WWOX: variants seen among roughly 807,000 people sequenced by gnomAD.
WWOX encodes WW domain-containing oxidoreductase.
Under a neutral mutation model 46.2 loss-of-function variants are expected in WWOX, and 69 were observed. The observed-to-expected ratio is 1.49, with a 90% CI of 1.23 to 1.82. The LOEUF is 1.82. WWOX is among the 40% of genes most tolerant of loss of function. The pLI, the probability that WWOX is intolerant of heterozygous loss-of-function variation, is 0.00. For synonymous variants in WWOX, 359 were observed against 202.6 expected (o/e 1.77, Z -6.56); for missense variants, 919 against 542.6 (o/e 1.69, Z -6.89).
chr16:78,411,012 G>A (rs1249880094), intron 6 of WWOX, among the ~76,000 whole-genome samples: 1 of 152,086 alleles, frequency 6.6e-6, no homozygotes, highest in Non-Finnish European at 1.5e-5. Flanking sequence ...TGATAACACA[G>A]CAGTTAGCTT....
chr16:78,241,150 C>A (rs1456803879), intron 5 of WWOX: 1 of 152,224 alleles, frequency 6.6e-6, no homozygotes, highest in Non-Finnish European at 1.5e-5. Flanking sequence ...AGTCTTGTGA[C>A]TGTCAACATT....
In WWOX at chr16:79,211,930, C is replaced by T. The variant is rs539177113; in HGVS notation, c.*134C>T. On this transcript the variant is annotated 3_prime_UTR_variant, in exon 9 of 9. Coordinates refer to ENST00000566780, the MANE Select transcript of WWOX (RefSeq NM_016373.4). ...GTAAAGGAAATAAGAGCAGTCACAA[C>T]AGAGTGAAAAATCTTAAGTACCAAT... The T allele has an allele frequency of 2.2e-4, 340 of 1,538,950 alleles. 2 individuals are homozygous for T. The African/African-American group carries it at 3.6e-3, about 16-fold the overall frequency.
chr16:78,447,151 C>A (rs925554377), intron 8 of WWOX, among the ~76,000 whole-genome samples: 3 of 152,206 alleles, frequency 2.0e-5, no homozygotes, highest in African/African-American at 7.2e-5. Flanking sequence ...TTTGATCTTA[C>A]AAAAATCTGG....
intron 8 of WWOX, among the ~76,000 whole-genome samples, chr16:79,189,006 G>A (rs769030007): frequency 6.6e-5 from 10 of 151,856 alleles, no homozygotes; most frequent in Non-Finnish European, 1.2e-4. Flanking sequence ...AAAGCTTTTG[G>A]ATTCTGTGTG....
intron 8 of WWOX, among the ~76,000 whole-genome samples, chr16:79,053,329 G>A (rs573849472): frequency 6.6e-6 from 1 of 152,250 alleles, no homozygotes; most frequent in South Asian, 2.1e-4. Context: ...CCGTTTTAAT[G>A]TGATTCCTGC....
At chr16:78,261,776 C>CTATATATATATA (rs1420854261) in intron 5 of WWOX, among the ~76,000 whole-genome samples, 6 of 38,368 alleles carry the variant, frequency 1.6e-4, no homozygotes, top group East Asian at 1.1e-3. Context: ...ATCTATGTAT[C>CTATATATATATA]TATCTATCTA....
intron 5 of WWOX, among the ~76,000 whole-genome samples, chr16:78,204,097 C>T (rs573268343): frequency 5.5e-4 from 84 of 152,252 alleles, no homozygotes; most frequent in South Asian, 1.7e-3. Context: ...TGCCCGGAGA[C>T]GGGACAGTTT....
At chr16:78,644,608 C>T (rs146329248) in intron 8 of WWOX, among the ~76,000 whole-genome samples, 5 of 152,198 alleles carry the variant, frequency 3.3e-5, no homozygotes, top group East Asian at 1.9e-4. Flanking sequence ...ATTACAGGAG[C>T]CTGCCACCAC....
chr16:78,323,531 A>C (rs1382730997), intron 5 of WWOX, among the ~76,000 whole-genome samples: 1 of 152,126 alleles, frequency 6.6e-6, no homozygotes, highest in Non-Finnish European at 1.5e-5. Flanking sequence ...TTAAACTAAT[A>C]GGTTACTGGG....
chr16:79,104,361 C>T (rs1032855256), intron 8 of WWOX, among the ~76,000 whole-genome samples: 1 of 152,118 alleles, frequency 6.6e-6, no homozygotes. Flanking sequence ...ACAATGAAAA[C>T]TCATAAGCAT....
rs2046870058 is a variant in WWOX, at chr16:78,990,685, CACAT to C, written c.1057-220921_1057-220918del. 2.6e-5 allele frequency among the ~76,000 whole-genome samples: 4 copies of C among 151,574 alleles called. No individual in the cohort carries two copies. In the South Asian group the frequency reaches 8.4e-4, roughly 32 times the overall value. On this transcript the variant is annotated intron_variant, in intron 8 of 8. Transcript: ENST00000566780. ...GGAAGGAAAAAGAGAGAGGGAGAAG[CACAT>C]AGAGGAAAGAAGGAAGAAGGAAGGA...
At chr16:78,529,469 G>A (rs773172120) in intron 8 of WWOX, among the ~76,000 whole-genome samples, 32 of 151,400 alleles carry the variant, frequency 2.1e-4, no homozygotes, top group Non-Finnish European at 3.7e-4. Flanking sequence ...AATGTTTTTC[G>A]TTTTTTTTAT....
At chr16:79,002,264 C>T (rs959799396) in intron 8 of WWOX, among the ~76,000 whole-genome samples, 1 of 129,344 alleles carries the variant, frequency 7.7e-6, no homozygotes, top group East Asian at 2.2e-4. Context: ...ACTCTTCTTG[C>T]CCAGGCTGGA....
rs376027078 is a variant in WWOX, at chr16:78,926,346, G to A, written c.1057-285262G>A. Among the ~76,000 whole-genome samples the A allele has an allele frequency of 3.0e-4, 44 of 148,312 alleles. No homozygotes were observed. In the South Asian group the frequency reaches 3.2e-3, roughly 11 times the overall value. ...CATGCTCGTGCCATTGCATTTCAGCGTGGGTGACAGTGAGACCCTATCTCA... is the reference window on the plus strand; with the variant it reads ...CATGCTCGTGCCATTGCATTTCAGCATGGGTGACAGTGAGACCCTATCTCA... On this transcript the variant is annotated intron_variant, in intron 8 of 8. Coordinates refer to ENST00000566780, the MANE Select transcript of WWOX (RefSeq NM_016373.4).
intron 5 of WWOX, among the ~76,000 whole-genome samples, chr16:78,254,502 G>GTTTTTTTTTTTTTTTTTTTT (rs59706959): frequency 6.5e-5 from 6 of 91,648 alleles, no homozygotes; most frequent in African/African-American, 2.1e-4. Flanking sequence ...TTTCTTTCTT[G>GTTTTTTTTTTTTTTTTTTTT]TTTTTTTTTT....
chr16:78,187,315 A>G (rs2035740962), intron 5 of WWOX, among the ~76,000 whole-genome samples: 1 of 152,172 alleles, frequency 6.6e-6, no homozygotes, highest in South Asian at 2.1e-4. Flanking sequence ...GCACTCAAGG[A>G]ACTTAGTCTT....
At chr16:78,474,011 C>T (rs767203138) in intron 8 of WWOX, among the ~76,000 whole-genome samples, 2 of 152,090 alleles carry the variant, frequency 1.3e-5, no homozygotes, top group Non-Finnish European at 2.9e-5. Flanking sequence ...CCTATCAGGA[C>T]CACTTTTACA....
chr16:78,296,026 A>G (rs1195953546), intron 5 of WWOX, among the ~76,000 whole-genome samples: 2 of 152,124 alleles, frequency 1.3e-5, no homozygotes, highest in African/African-American at 2.4e-5. Context: ...GTAGAATCTT[A>G]TTTTCTGAGT....
chr16:78,557,907 G>C (rs2044345364), intron 8 of WWOX, among the ~76,000 whole-genome samples: 1 of 152,010 alleles, frequency 6.6e-6, no homozygotes, highest in Non-Finnish European at 1.5e-5. Context: ...AGGTTGGCCA[G>C]GCTGCTCTCG....
Sources: gnomAD v4.1 joint callset for allele counts (sites outside exome capture counted in the v4.1 genomes callset) on GRCh38, gnomAD v4.1.1 for gene constraint, MANE v1.5 for transcripts, NCBI Gene and HGNC (gene_info 2026-07-23, HGNC 2026-07-21) for gene names.